Variants in TAFA4 observed in about 807,000 individuals in gnomAD.
TAFA4 encodes TAFA chemokine like family member 4.
A neutral mutation model predicts 21.1 loss-of-function variants in TAFA4; 20 were observed. The ratio of observed to expected loss-of-function variants is 0.95; its 90% CI spans 0.67 to 1.38. TAFA4 has a LOEUF of 1.38. Ranked by LOEUF, TAFA4 falls within the 40% of genes most tolerant of loss-of-function variation. TAFA4 has a pLI of 0.00. For missense variants in TAFA4, 211 were observed against 180.9 expected (o/e 1.17, Z -0.95); for synonymous variants, 71 against 67.4 (o/e 1.05, Z -0.26).
At chr3:68,827,588 A>T (rs1426996386) in intron 3 of TAFA4, among the ~76,000 whole-genome samples, 3 of 152,266 alleles carry the variant, frequency 2.0e-5, no homozygotes, top group African/African-American at 2.4e-5. Flanking sequence ...CTAACTGGCA[A>T]GAGATGGTAT....
At chr3:68,822,662 G>A (rs746223342) in intron 3 of TAFA4, among the ~76,000 whole-genome samples, 2 of 152,090 alleles carry the variant, frequency 1.3e-5, no homozygotes, top group African/African-American at 2.4e-5. Flanking sequence ...TAGAGATGGA[G>A]TTTAACCATG....
chr3:68,885,321 A>G lies in TAFA4; in HGVS notation c.-122-11T>C. The G allele has an allele frequency of 1.4e-6, 1 of 696,660 alleles. No individual in the cohort carries two copies. Among genetic ancestry groups the G allele is most frequent in the Non-Finnish European group, 2.4e-6 (1 of 423,054 alleles). The allele number at this position is 696,660 out of a possible 1,614,324, so 43.2% of individuals were successfully genotyped here. Reference sequence around the variant, plus strand: ...CGTAGCTCAGAAGACCTATGTTAAAAAGGCCAAAAAAAAAAAAGGAATCAA... The same window carrying G: ...CGTAGCTCAGAAGACCTATGTTAAAGAGGCCAAAAAAAAAAAAGGAATCAA... On this transcript the variant is annotated splice_polypyrimidine_tract_variant and intron_variant, in intron 1 of 5. Transcript: ENST00000295569.
intron 3 of TAFA4, among the ~76,000 whole-genome samples, chr3:68,862,017 T>C (rs2089351786): frequency 6.6e-6 from 1 of 152,008 alleles, no homozygotes; most frequent in African/African-American, 2.4e-5. Context: ...TGAGCATATT[T>C]TCCTCTTCTC....
intron 3 of TAFA4, among the ~76,000 whole-genome samples, chr3:68,757,234 C>T (rs1702675776): frequency 6.6e-6 from 1 of 152,130 alleles, no homozygotes; most frequent in South Asian, 2.1e-4. Context: ...CAGTCACCTT[C>T]TTGCTGTGTC....
At chr3:68,789,943 G>T (rs74544435) in intron 3 of TAFA4, among the ~76,000 whole-genome samples, 289 of 152,330 alleles carry the variant, frequency 1.9e-3, no homozygotes, top group African/African-American at 6.5e-3. Flanking sequence ...TCTTCAGGCT[G>T]AAGGGAAACC....
Position 68,810,235 on chromosome 3 carries a change from C to A in TAFA4, c.131-57217G>T, listed in dbSNP as rs1019488863. On this transcript the variant is annotated intron_variant, in intron 3 of 5. Coordinates refer to ENST00000295569, the MANE Select transcript of TAFA4 (RefSeq NM_182522.5). ...GCCATCTTGGCTCCAGTCTACAGCT[C>A]CCAGCATGAGAGACGCAGAAGATGG... Among the ~76,000 whole-genome samples, 7 of 152,210 alleles carry A rather than the reference C, an allele frequency of 4.6e-5. No homozygotes were observed. The East Asian group carries it at 1.4e-3, about 29-fold the overall frequency.
intron 3 of TAFA4, among the ~76,000 whole-genome samples, chr3:68,790,118 TA>T (rs1313654646): frequency 2.3e-4 from 35 of 152,176 alleles, no homozygotes; most frequent in African/African-American, 8.2e-4. Flanking sequence ...TCAATGTATG[TA>T]GATGTAATAT....
intron 3 of TAFA4, among the ~76,000 whole-genome samples, chr3:68,755,097 G>C (rs1702634994): frequency 6.6e-6 from 1 of 152,136 alleles, no homozygotes; most frequent in African/African-American, 2.4e-5. Flanking sequence ...TATGTGCGCA[G>C]GTACATCGAC....
intron 3 of TAFA4, among the ~76,000 whole-genome samples, chr3:68,792,503 A>G (rs1703380316): frequency 6.6e-6 from 1 of 152,162 alleles, no homozygotes; most frequent in African/African-American, 2.4e-5. Context: ...AAACCTCCAC[A>G]GTAGACAAAA....
In TAFA4 at chr3:68,732,769, G is replaced by C. The variant is rs1702171976; in HGVS notation, c.*373C>G. On this transcript the variant is annotated 3_prime_UTR_variant, in exon 6 of 6. Coordinates refer to ENST00000295569, the MANE Select transcript of TAFA4 (RefSeq NM_182522.5). ...GAAAAGTTCAAAAGAGGAACAGAAT[G>C]AGGACCCTTTGGAACATACATCCAA... 1.4e-5 allele frequency: 3 copies of C among 207,630 alleles called. No individual in the cohort carries two copies. Among genetic ancestry groups the C allele is most frequent in the Non-Finnish European group, 1.9e-5 (2 of 104,804 alleles). 12.9% of individuals were successfully genotyped at this position (207,630 alleles called of 1,614,324 possible).
At chr3:68,761,151 C>T (rs1386084013) in intron 3 of TAFA4, among the ~76,000 whole-genome samples, 1 of 152,172 alleles carries the variant, frequency 6.6e-6, no homozygotes, top group East Asian at 1.9e-4. Flanking sequence ...TTGCATTTCG[C>T]ATGTGTAAGT....
chr3:68,833,555 A>G (rs115757157), intron 3 of TAFA4, among the ~76,000 whole-genome samples: 53 of 152,330 alleles, frequency 3.5e-4, no homozygotes, highest in Non-Finnish European at 6.8e-4. Flanking sequence ...TTAGGGATAA[A>G]AGGTAAGAAA....
intron 3 of TAFA4, among the ~76,000 whole-genome samples, chr3:68,833,931 G>A (rs1263887841): frequency 6.6e-6 from 1 of 152,190 alleles, no homozygotes; most frequent in South Asian, 2.1e-4. Flanking sequence ...ACCAAAATGT[G>A]AAGATTCAGT....
intron 3 of TAFA4, among the ~76,000 whole-genome samples, chr3:68,853,633 G>A (rs1184117462): frequency 1.3e-5 from 2 of 152,108 alleles, no homozygotes; most frequent in Admixed American, 6.6e-5. Flanking sequence ...CTTACCATCT[G>A]TTTTCCATAA....
rs1703362581 is a variant in TAFA4 at position 68,791,642 on chromosome 3, T to C, written c.131-38624A>G. On this transcript the variant is annotated intron_variant, in intron 3 of 5. Coordinates refer to ENST00000295569, the MANE Select transcript of TAFA4 (RefSeq NM_182522.5). ...AAGACAAAGAAAATAAGAAAATAAA[T>C]GACTTTGTTTCTGTCAGGAAGCCCA... Among the ~76,000 whole-genome samples, 6 of 152,268 alleles carry C rather than the reference T, an allele frequency of 3.9e-5. No homozygotes were observed. In the South Asian group the frequency reaches 1.0e-3, roughly 26 times the overall value.
chr3:68,881,085 A>AT (rs2089612398), intron 2 of TAFA4, among the ~76,000 whole-genome samples: 1 of 152,252 alleles, frequency 6.6e-6, no homozygotes, highest in Non-Finnish European at 1.5e-5. Context: ...TGAGAAGCTT[A>AT]TTTATGAATC....
intron 3 of TAFA4, among the ~76,000 whole-genome samples, chr3:68,877,616 G>C (rs144126392): frequency 6.6e-6 from 1 of 152,296 alleles, no homozygotes; most frequent in Non-Finnish European, 1.5e-5. Context: ...CTGTTCCCCA[G>C]CTTGTTGAAG....
At chr3:68,891,638 C>A (rs989390827) in intron 1 of TAFA4, among the ~76,000 whole-genome samples, 16 of 152,088 alleles carry the variant, frequency 1.1e-4, no homozygotes, top group Non-Finnish European at 1.5e-5. Flanking sequence ...TAATTTCCAC[C>A]CAGACAGAAG....
At chr3:68,799,224 T>C (rs1244315752) in intron 3 of TAFA4, among the ~76,000 whole-genome samples, 1 of 152,224 alleles carries the variant, frequency 6.6e-6, no homozygotes, top group Non-Finnish European at 1.5e-5. Context: ...GAGTGGCTTA[T>C]AAACAACAAA....
Sources: allele counts gnomAD v4.1 joint callset (sites outside exome capture counted in the v4.1 genomes callset), GRCh38; gene constraint gnomAD v4.1.1; transcripts MANE v1.5; gene names NCBI Gene and HGNC (gene_info 2026-07-23, HGNC 2026-07-21).